HIVEP3: variants seen among roughly 807,000 people sequenced by gnomAD.
HIVEP3 encodes the protein HIVEP zinc finger 3, also known as transcription factor HIVEP3.
In HIVEP3, 49 loss-of-function variants were observed where a neutral mutation model predicts 152.8. The ratio of observed to expected loss-of-function variants is 0.32; its 90% CI spans 0.26 to 0.41. The LOEUF is 0.41. HIVEP3 is among the 10% of genes least tolerant of loss of function. HIVEP3 has a pLI of 1.00. For synonymous variants in HIVEP3, 1,269 were observed against 1,289.0 expected (o/e 0.98, Z 0.33); for missense variants, 2,790 against 3,103.3 (o/e 0.90, Z 2.40).
At position 41,858,901 on chromosome 1, in the gene HIVEP3, C is replaced by T. The variant is rs572991191; in HGVS notation, c.-801+59512G>A. 4.6e-5 allele frequency among the ~76,000 whole-genome samples: 7 copies of T among 152,146 alleles called. No homozygotes were observed. In the South Asian group the frequency reaches 6.2e-4, roughly 14 times the overall value. On this transcript the variant is annotated intron_variant, in intron 1 of 8. Coordinates refer to ENST00000372583, the MANE Select transcript of HIVEP3 (RefSeq NM_024503.5). ...GACAGAATGTCAAGTGCAAAGCTTC[C>T]GAGGCAGGAAAGAAGGCCATTGTGG...
In HIVEP3 at chr1:41,918,018, A is replaced by G. The variant is rs945470694; in HGVS notation, c.-801+395T>C. Among the ~76,000 whole-genome samples the G allele has an allele frequency of 6.6e-6, 1 of 152,204 alleles. No homozygotes were observed. The highest frequency in any genetic ancestry group is 1.5e-5 in the Non-Finnish European group (1 of 68,014). ...CCTAAGCCCCCCAGCCGAGGCTCCT[A>G]TGGAGCCGGCCGCCAGTGCGCGGGT... On this transcript the variant is annotated intron_variant, in intron 1 of 8. Coordinates refer to ENST00000372583, the MANE Select transcript of HIVEP3 (RefSeq NM_024503.5). The surrounding 1 kb of genome is among the most constrained non-coding windows in gnomAD (Gnocchi z 4.3).
intron 1 of HIVEP3, among the ~76,000 whole-genome samples, chr1:41,935,993 C>T (rs1378563607): frequency 6.6e-6 from 1 of 151,920 alleles, no homozygotes; most frequent in Admixed American, 6.6e-5. Flanking sequence ...CTAACCTAAA[C>T]AAACCTGTGT....
At chr1:41,733,910 C>T (rs919588404) in intron 1 of HIVEP3, among the ~76,000 whole-genome samples, 1 of 152,138 alleles carries the variant, frequency 6.6e-6, no homozygotes, top group African/African-American at 2.4e-5. Context: ...GTGTCCCACT[C>T]CTCTCAACCT....
chr1:41,789,128 TTCATCTCACAGC>T (rs1247108103), intron 1 of HIVEP3, among the ~76,000 whole-genome samples: 2 of 152,206 alleles, frequency 1.3e-5, no homozygotes, highest in African/African-American at 4.8e-5. Context: ...GGCTGGTCTG[TTCATCTCACAGC>T]TCATATGACC....
chr1:41,671,108 C>G (rs538410836), intron 2 of HIVEP3, among the ~76,000 whole-genome samples: 1 of 152,320 alleles, frequency 6.6e-6, no homozygotes, highest in Admixed American at 6.5e-5. Flanking sequence ...GGCCCCTCCC[C>G]ACCCTGCCTC....
chr1:41,754,580 C>T (rs954244500), intron 1 of HIVEP3, among the ~76,000 whole-genome samples: 2 of 152,018 alleles, frequency 1.3e-5, no homozygotes, highest in South Asian at 2.1e-4. Flanking sequence ...CTGAGATGAG[C>T]GACAATAAGC....
In HIVEP3 at chr1:41,873,922, T is replaced by C. The variant is rs1335861990; in HGVS notation, c.-801+44491A>G. On this transcript the variant is annotated intron_variant, in intron 1 of 8. Transcript: ENST00000372583. The surrounding 1 kb of genome is among the most constrained non-coding windows in gnomAD (Gnocchi z 4.2). ...CCCAGGCAGCCTTGTACTTGCTTCATTCTGGGGTCAGGAAGAAGCTGCAGG... is the reference window on the plus strand; with the variant it reads ...CCCAGGCAGCCTTGTACTTGCTTCACTCTGGGGTCAGGAAGAAGCTGCAGG... Among the ~76,000 whole-genome samples the C allele has an allele frequency of 6.6e-6, 1 of 152,194 alleles. No individual in the cohort carries two copies. Among genetic ancestry groups the C allele is most frequent in the Non-Finnish European group, 1.5e-5 (1 of 68,040 alleles).
chr1:42,027,706 T>G (rs188662281), intron 1 of HIVEP3, among the ~76,000 whole-genome samples: 2 of 152,198 alleles, frequency 1.3e-5, no homozygotes, highest in African/African-American at 4.8e-5. Context: ...TAACTGGACT[T>G]ACAGTTCCGC....
At chr1:41,984,252 A>G (rs567520004) in intron 1 of HIVEP3, among the ~76,000 whole-genome samples, 6 of 152,338 alleles carry the variant, frequency 3.9e-5, no homozygotes, top group Non-Finnish European at 7.3e-5. Context: ...GATTATGGAC[A>G]TGAGCCACTG....
At chr1:41,932,164 T>C (rs887731384) in intron 1 of HIVEP3, among the ~76,000 whole-genome samples, 1 of 141,414 alleles carries the variant, frequency 7.1e-6, no homozygotes, top group Non-Finnish European at 1.5e-5. Context: ...AGATGATTAA[T>C]TTTTAAAGTG....
intron 1 of HIVEP3, among the ~76,000 whole-genome samples, chr1:41,704,433 T>C (rs1308877257): frequency 1.3e-5 from 2 of 152,208 alleles, no homozygotes; most frequent in Non-Finnish European, 2.9e-5. Context: ...GAGAATCAGC[T>C]TAGAGAATTC....
intron 3 of HIVEP3, among the ~76,000 whole-genome samples, chr1:41,603,125 G>A (rs753376816): frequency 4.0e-5 from 6 of 151,622 alleles, no homozygotes; most frequent in East Asian, 1.9e-4. Flanking sequence ...GCAGTGTAGC[G>A]GCGCGATCTC....
intron 5 of HIVEP3, among the ~76,000 whole-genome samples, chr1:41,534,608 G>C (rs1643352768): frequency 6.6e-6 from 1 of 152,234 alleles, no homozygotes; most frequent in South Asian, 2.1e-4. Context: ...TCCCTGCGCG[G>C]GTGAGGACCA....
At chr1:41,766,164 GACCAGC>G (rs1647997700) in intron 1 of HIVEP3, among the ~76,000 whole-genome samples, 1 of 152,246 alleles carries the variant, frequency 6.6e-6, no homozygotes, top group South Asian at 2.1e-4. Flanking sequence ...ACTGTCTGAA[GACCAGC>G]ACCTGGAGGC....
chr1:41,697,084 C>G (rs1194923168), intron 2 of HIVEP3, among the ~76,000 whole-genome samples: 2 of 152,206 alleles, frequency 1.3e-5, no homozygotes, highest in African/African-American at 2.4e-5. Flanking sequence ...AGGAACAAAG[C>G]AGGAAGCAGA....
chr1:41,712,371 G>A (rs768051942), intron 1 of HIVEP3, among the ~76,000 whole-genome samples: 2 of 152,222 alleles, frequency 1.3e-5, no homozygotes, highest in Non-Finnish European at 2.9e-5. Flanking sequence ...CACAGCCCTG[G>A]ACGAAGGCCA....
chr1:41,747,542 T>A (rs1647091514), intron 1 of HIVEP3, among the ~76,000 whole-genome samples: 1 of 152,236 alleles, frequency 6.6e-6, no homozygotes, highest in Non-Finnish European at 1.5e-5. Context: ...TGACTTATGA[T>A]CCCATCCTAG....
At chr1:41,788,428 C>T (rs1424194157) in intron 1 of HIVEP3, among the ~76,000 whole-genome samples, 1 of 152,226 alleles carries the variant, frequency 6.6e-6, no homozygotes, top group Admixed American at 6.5e-5. Flanking sequence ...GCCAATGACC[C>T]CTAGTAGAAG....
At chr1:41,769,438 T>A (rs565681060) in intron 1 of HIVEP3, among the ~76,000 whole-genome samples, 104 of 151,960 alleles carry the variant, frequency 6.8e-4, no homozygotes, top group African/African-American at 2.1e-3. Flanking sequence ...CTAGGGCACA[T>A]CCCATGATGT....
Sources: gnomAD v4.1 joint callset for allele counts (sites outside exome capture counted in the v4.1 genomes callset) on GRCh38, gnomAD v4.1.1 for gene constraint, Gnocchi (gnomAD v3.1) non-coding constraint, MANE v1.5 for transcripts, NCBI Gene and HGNC (gene_info 2026-07-23, HGNC 2026-07-21) for gene names.